Variants in SH3RF3 observed in about 807,000 individuals in gnomAD.
The protein encoded by SH3RF3 is E3 ubiquitin-protein ligase SH3RF3.
A neutral mutation model predicts 66.3 loss-of-function variants in SH3RF3; 29 were observed. That is an observed-to-expected ratio of 0.44 (90% CI 0.33 to 0.60). The LOEUF is 0.60. SH3RF3 is among the 20% of genes least tolerant of loss of function. The pLI, the probability that SH3RF3 is intolerant of heterozygous loss-of-function variation, is 0.04. For synonymous variants in SH3RF3, 583 were observed against 532.0 expected, an observed-to-expected ratio of 1.10 and a Z score of -1.32; for missense variants, 1,194 against 1,190.9, an observed-to-expected ratio of 1.00 and a Z score of -0.04.
chr2:109,150,546 A>G (rs1677204298), intron 1 of SH3RF3, among the ~76,000 whole-genome samples: 1 of 152,240 alleles, frequency 6.6e-6, no homozygotes, highest in African/African-American at 2.4e-5. Flanking sequence ...GGACAGGTAT[A>G]GATAGGTGCT....
chr2:109,262,769 C>A (rs1680386879), intron 1 of SH3RF3, among the ~76,000 whole-genome samples: 1 of 152,136 alleles, frequency 6.6e-6, no homozygotes, highest in South Asian at 2.1e-4. Context: ...AAATATATTA[C>A]ATTTATATAT....
chr2:109,151,432 C>T (rs1677223529), intron 1 of SH3RF3, among the ~76,000 whole-genome samples: 1 of 152,164 alleles, frequency 6.6e-6, no homozygotes, highest in Admixed American at 6.5e-5. Context: ...CAAAGCAGCA[C>T]CATCCAATAC....
intron 1 of SH3RF3, among the ~76,000 whole-genome samples, chr2:109,268,833 A>G (rs1680562115): frequency 6.6e-6 from 1 of 152,112 alleles, no homozygotes; most frequent in African/African-American, 2.4e-5. Context: ...AGGCTATGCT[A>G]TGAGGTTTGC....
intron 1 of SH3RF3, among the ~76,000 whole-genome samples, chr2:109,202,709 C>T (rs754923866): frequency 2.6e-5 from 4 of 152,190 alleles, no homozygotes; most frequent in Non-Finnish European, 4.4e-5. Context: ...CCTCAGTTTC[C>T]CCATCTGGAA....
At chr2:109,188,349 C>G (rs1339080242) in intron 1 of SH3RF3, among the ~76,000 whole-genome samples, 1 of 152,214 alleles carries the variant, frequency 6.6e-6, no homozygotes, top group Non-Finnish European at 1.5e-5. Flanking sequence ...TTGGTCCTGT[C>G]TTCCTCACAG....
intron 1 of SH3RF3, among the ~76,000 whole-genome samples, chr2:109,173,357 C>A (rs551943338): frequency 1.3e-5 from 2 of 152,272 alleles, no homozygotes; most frequent in African/African-American, 2.4e-5. Flanking sequence ...ACCGAGCCGT[C>A]CCTGCCTGGG....
At chr2:109,287,631 G>A (rs1681058526) in intron 1 of SH3RF3, among the ~76,000 whole-genome samples, 1 of 152,166 alleles carries the variant, frequency 6.6e-6, no homozygotes. Flanking sequence ...TCCAATGGGA[G>A]GCGGGAGGGG....
At chr2:109,434,617 C>A (rs545971741) in intron 6 of SH3RF3, among the ~76,000 whole-genome samples, 1 of 152,226 alleles carries the variant, frequency 6.6e-6, no homozygotes, top group Non-Finnish European at 1.5e-5. Context: ...GAGCTGGGTC[C>A]TAAGTCCACT....
intron 1 of SH3RF3, among the ~76,000 whole-genome samples, chr2:109,179,100 G>C (rs1678007245): frequency 6.6e-6 from 1 of 151,522 alleles, no homozygotes; most frequent in Non-Finnish European, 1.5e-5. Context: ...TTGAGCCTCA[G>C]AAGAGTCTGT....
At chr2:109,178,594 G>C (rs900423659) in intron 1 of SH3RF3, among the ~76,000 whole-genome samples, 9 of 152,152 alleles carry the variant, frequency 5.9e-5, no homozygotes, top group African/African-American at 2.2e-4. Flanking sequence ...TTATTTTTCA[G>C]AACCAAAAGA....
At chr2:109,467,515 G>T (rs1678386193) in intron 8 of SH3RF3, among the ~76,000 whole-genome samples, 1 of 152,220 alleles carries the variant, frequency 6.6e-6, no homozygotes, top group South Asian at 2.1e-4. Flanking sequence ...GGGGGCTTGG[G>T]CCCACCGTGA....
rs201574045 is a variant in SH3RF3 at position 109,146,717 on chromosome 2, A to G, written c.573+16604A>G. Among the ~76,000 whole-genome samples the G allele has an allele frequency of 9.9e-5, 15 of 152,178 alleles. No individual in the cohort carries two copies. In the East Asian group the frequency reaches 2.7e-3, roughly 27 times the overall value. On this transcript the variant is annotated intron_variant, in intron 1 of 9. Transcript: ENST00000309415. ...GGAAGGGCCTGGATTGGGGGGCCCC[A>G]TAGAGTCTACATCTGAGTATCTTTT...
chr2:109,322,067 C>T (rs1371984814), intron 1 of SH3RF3, among the ~76,000 whole-genome samples: 3 of 150,860 alleles, frequency 2.0e-5, no homozygotes, highest in East Asian at 1.9e-4. Flanking sequence ...CAGCAAGGAG[C>T]GAGAAAGGGT....
At chr2:109,448,659 C>T (rs1677776906) in intron 7 of SH3RF3, among the ~76,000 whole-genome samples, 1 of 152,164 alleles carries the variant, frequency 6.6e-6, no homozygotes, top group Admixed American at 6.5e-5. Flanking sequence ...AGGGGTCCTA[C>T]TGATTCTATG....
intron 3 of SH3RF3, among the ~76,000 whole-genome samples, chr2:109,392,518 T>C (rs1474045239): frequency 2.0e-5 from 3 of 151,942 alleles, no homozygotes; most frequent in African/African-American, 7.2e-5. Flanking sequence ...GCTTCTTCTT[T>C]TTTTTTTTGG....
intron 1 of SH3RF3, among the ~76,000 whole-genome samples, chr2:109,198,667 G>A (rs553304338): frequency 6.6e-6 from 1 of 152,282 alleles, no homozygotes; most frequent in East Asian, 1.9e-4. Flanking sequence ...CTCACATGGT[G>A]GAGACAGAGA....
intron 1 of SH3RF3, among the ~76,000 whole-genome samples, chr2:109,242,111 G>A (rs13426149): frequency 0.2 from 27,973 of 137,422 alleles, 2,716 homozygotes; most frequent in East Asian, 0.34. Context: ...TCCTCTGTTC[G>A]CCTCCTGTTT....
In SH3RF3 at chr2:109,240,553, C is replaced by T. The variant is rs181738782; in HGVS notation, c.574-107121C>T. On this transcript the variant is annotated intron_variant, in intron 1 of 9. Coordinates refer to ENST00000309415, the MANE Select transcript of SH3RF3 (RefSeq NM_001099289.3). ...TGGGCTTGATGGTCCCTATCAGTAG[C>T]AGAGTCCCCTGGTGTGGCACTTTGA... 4.6e-5 allele frequency among the ~76,000 whole-genome samples: 7 copies of T among 152,282 alleles called. No individual in the cohort carries two copies. The East Asian group carries it at 1.4e-3, about 29-fold the overall frequency.
rs749596344 is a variant in SH3RF3 at position 109,501,492 on chromosome 2, T to C, written c.2481-11T>C. 5.2e-6 allele frequency: 4 copies of C among 775,290 alleles called. No homozygotes were observed. The East Asian group carries it at 9.7e-5, about 19-fold the overall frequency. 48.0% of individuals were successfully genotyped at this position (775,290 alleles called of 1,614,324 possible). ...TCTGTGTGGGGCTCACCCACTGTGC[T>C]GTTTCCCCAGGTACCGCGTGGTGGT... On this transcript the variant is annotated splice_polypyrimidine_tract_variant and intron_variant, in intron 9 of 9. Transcript: ENST00000309415.
Sources: allele counts gnomAD v4.1 joint callset (sites outside exome capture counted in the v4.1 genomes callset), GRCh38; gene constraint gnomAD v4.1.1; transcripts MANE v1.5; gene names NCBI Gene and HGNC (gene_info 2026-07-23, HGNC 2026-07-21).